Variants in EFCAB5 observed in about 807,000 individuals in gnomAD.
EFCAB5 encodes EF-hand calcium binding domain 5.
Under a neutral mutation model 167.9 loss-of-function variants are expected in EFCAB5, and 131 were observed. The observed-to-expected ratio is 0.78, with a 90% CI of 0.68 to 0.90. EFCAB5 has a LOEUF of 0.90. Ranked by LOEUF, EFCAB5 falls within the 40% of genes least tolerant of loss-of-function variation. EFCAB5 has a pLI of 0.00. For missense variants in EFCAB5, 1,663 were observed against 1,745.2 expected (o/e 0.95, Z 0.84); for synonymous variants, 574 against 602.8 (o/e 0.95, Z 0.70).
At chr17:30,092,805 GATCCC>G in intron 21 of EFCAB5, 30 bp from the exon 22 acceptor site, 2 of 1,491,334 alleles carry the variant, frequency 1.3e-6, no homozygotes, top group Non-Finnish European at 1.9e-6. Context: ...GCTTCCTGGT[GATCCC>G]ATAAATTTTC....
intron 19 of EFCAB5, 134 bp from the exon 20 acceptor site, chr17:30,090,287 G>A (rs2071169210): frequency 8.7e-7 from 1 of 1,147,678 alleles, no homozygotes; most frequent in Admixed American, 2.8e-5. Context: ...AATGCTCCAG[G>A]CAGATGAAAC....
intron 18 of EFCAB5, 126 bp from the exon 19 acceptor site, chr17:30,086,937 G>A: frequency 1.4e-6 from 1 of 709,960 alleles, no homozygotes; most frequent in Non-Finnish European, 2.2e-6. Context: ...TAAGTAAAAT[G>A]TCACTGTCCT....
Position 30,056,057 on chromosome 17 carries a change from T to C in EFCAB5, c.2273-7T>C, listed in dbSNP as rs372136526. 3.7e-6 allele frequency: 6 copies of C among 1,613,136 alleles called. No individual in the cohort carries two copies. The highest frequency in any genetic ancestry group is 1.7e-4 in the Middle Eastern group (1 of 6,054). On this transcript the variant is annotated splice_region_variant and splice_polypyrimidine_tract_variant and intron_variant, in intron 11 of 22. Transcript: ENST00000394835. ...GATTGGCTATGTTATGGAATGTGTTTTTACAGGTGAATTTTTTACTTGTAA... is the reference window on the plus strand; with the variant it reads ...GATTGGCTATGTTATGGAATGTGTTCTTACAGGTGAATTTTTTACTTGTAA...
chr17:30,103,829 A>G (rs1327250468), intron 22 of EFCAB5, among the ~76,000 whole-genome samples: 2 of 152,192 alleles, frequency 1.3e-5, no homozygotes, highest in African/African-American at 4.8e-5. Flanking sequence ...AGCCTGGCCA[A>G]CGTGGTGAAA....
At chr17:30,080,583 TGTTTTA>T (rs2070967981) in intron 16 of EFCAB5, among the ~76,000 whole-genome samples, 164 bp from the exon 17 acceptor site, 2 of 152,196 alleles carry the variant, frequency 1.3e-5, no homozygotes, top group Non-Finnish European at 2.9e-5. Flanking sequence ...GTTTTGTTTT[TGTTTTA>T]GTCTTTCTCA....
chr17:30,063,732 A>G (rs1465749156), intron 14 of EFCAB5, among the ~76,000 whole-genome samples: 2 of 152,316 alleles, frequency 1.3e-5, no homozygotes, highest in Non-Finnish European at 2.9e-5. Context: ...AGGCCATGTC[A>G]GACCTGACAC....
intron 22 of EFCAB5, among the ~76,000 whole-genome samples, chr17:30,093,544 T>A (rs977430993): frequency 1.3e-5 from 2 of 152,206 alleles, no homozygotes; most frequent in African/African-American, 4.8e-5. Flanking sequence ...AATCTATCCC[T>A]TTCCTCCTCT....
chr17:29,938,825 T>G (rs1254476885), upstream of EFCAB5, among the ~76,000 whole-genome samples: 1 of 152,206 alleles, frequency 6.6e-6, no homozygotes, highest in Non-Finnish European at 1.5e-5. Context: ...CATCTGCAGT[T>G]ACTTCCTCCA....
chr17:29,932,858 A>G (rs1184138283), intron 1 of EFCAB5, among the ~76,000 whole-genome samples: 2 of 152,150 alleles, frequency 1.3e-5, no homozygotes, highest in Non-Finnish European at 2.9e-5. Flanking sequence ...TAAGGTGATA[A>G]AATCCTGATC....
chr17:30,083,110 A>C, intron 18 of EFCAB5, 67 bp downstream of exon 18: 1 of 1,495,556 alleles, frequency 6.7e-7, no homozygotes, highest in South Asian at 1.3e-5. Context: ...ATTTCTTGCT[A>C]ATATTTGAAA....
chr17:30,080,062 T>C lies in EFCAB5; in HGVS notation c.3028-10T>C. The C allele has an allele frequency of 1.3e-6, 2 of 1,597,758 alleles. No homozygotes were observed. Among genetic ancestry groups the C allele is most frequent in the Non-Finnish European group, 1.7e-6 (2 of 1,173,258 alleles). Reference sequence around the variant, plus strand: ...TTGGCAAACACATGGTCGGAAACGTTTTGCTGTAGGATGCTGAAGCCCATG... The same window carrying C: ...TTGGCAAACACATGGTCGGAAACGTCTTGCTGTAGGATGCTGAAGCCCATG... On this transcript the variant is annotated splice_polypyrimidine_tract_variant and intron_variant, in intron 15 of 22. Transcript: ENST00000394835.
At chr17:30,068,656 C>T in intron 14 of EFCAB5, 3 of 1,535,410 alleles carry the variant, frequency 2.0e-6, no homozygotes, top group Non-Finnish European at 2.6e-6. Flanking sequence ...GCTGCTATTC[C>T]GGGCCAGCGT....
chr17:29,969,380 A>G lies in EFCAB5; in HGVS notation c.767+13A>G, dbSNP rs755943224. The G allele has an allele frequency of 1.9e-6, 3 of 1,542,924 alleles. No individual in the cohort carries two copies. Among genetic ancestry groups the G allele is most frequent in the Non-Finnish European group, 2.6e-6 (3 of 1,146,496 alleles). On this transcript the variant is annotated intron_variant, in intron 4 of 22. Transcript: ENST00000394835. ...CTATCTGCAACAGGTACAATCTGTT[A>G]TAGTTTCAGTTCATGATCTGTCTCC...
Position 30,053,735 on chromosome 17 carries a change from C to G in EFCAB5, c.1781C>G (p.Ser594Ter). The change falls in exon 10 of 23, where the codon TCA becomes TGA. Residue 594 changes from serine to a stop codon, truncating the protein, a stop_gained. Transcript: ENST00000394835. LOFTEE classifies it high-confidence loss of function. ...EGQGPRRVSV[S>*]EQGSSRESVA... ...CAAGGACCACGCAGAGTGTCAGTTT[C>G]AGAACAAGGATCAAGCAGAGAGTCA... 6.2e-7 allele frequency: 1 copy of G among 1,613,850 alleles called. No individual in the cohort carries two copies. The highest frequency in any genetic ancestry group is 8.5e-7 in the Non-Finnish European group (1 of 1,179,862).
chr17:29,991,106 T>C (rs2151631597), intron 4 of EFCAB5, among the ~76,000 whole-genome samples: 1 of 152,274 alleles, frequency 6.6e-6, no homozygotes, highest in East Asian at 1.9e-4. Context: ...ACTTGTCCCA[T>C]TGTTACCCTG....
In EFCAB5 at chr17:29,997,399, A is replaced by T. The variant is rs567937845; in HGVS notation, c.973+1039A>T. ...ATATAAGAGAAGTAAAATTATATAC[A>T]GTTGACCATTTTATTTGTTTTTGAC... On this transcript the variant is annotated intron_variant, in intron 6 of 22. Transcript: ENST00000394835. Among the ~76,000 whole-genome samples, 3 of 152,202 alleles carry T rather than the reference A, an allele frequency of 2.0e-5. No homozygotes were observed. The South Asian group carries it at 6.2e-4, about 32-fold the overall frequency.
intron 10 of EFCAB5, among the ~76,000 whole-genome samples, chr17:30,054,961 A>G (rs1359173902): frequency 6.6e-6 from 1 of 152,210 alleles, no homozygotes; most frequent in African/African-American, 2.4e-5. Flanking sequence ...CAATTTGGAT[A>G]TGCCAAAGAG....
chr17:30,065,011 G>C (rs1369710088), intron 14 of EFCAB5, among the ~76,000 whole-genome samples: 1 of 152,160 alleles, frequency 6.6e-6, no homozygotes, highest in African/African-American at 2.4e-5. Context: ...TCACAGATAA[G>C]CAAAAACTTG....
At chr17:29,997,253 A>C (rs2068564691) in intron 6 of EFCAB5, among the ~76,000 whole-genome samples, 1 of 151,936 alleles carries the variant, frequency 6.6e-6, no homozygotes, top group Non-Finnish European at 1.5e-5. Flanking sequence ...TAAAAAAAAA[A>C]AAAAAGAAAG....
Sources: allele counts gnomAD v4.1 joint callset (sites outside exome capture counted in the v4.1 genomes callset), GRCh38; gene constraint gnomAD v4.1.1; transcripts MANE v1.5; gene names NCBI Gene and HGNC (gene_info 2026-07-23, HGNC 2026-07-21).